Variants in CHRM3 observed in about 807,000 individuals in gnomAD.
The protein encoded by CHRM3 is cholinergic receptor muscarinic 3, also known as muscarinic acetylcholine receptor M3.
In CHRM3, 11 loss-of-function variants were observed where a neutral mutation model predicts 41.8. That is an observed-to-expected ratio of 0.26 (90% CI 0.17 to 0.44). The LOEUF (loss-of-function observed/expected upper bound fraction) is 0.44, where lower values mean the gene tolerates loss of function less well. CHRM3 is among the 20% of genes least tolerant of loss of function. CHRM3 has a pLI of 1.00. For missense variants in CHRM3, 571 were observed against 745.4 expected (o/e 0.77, Z 2.72); for synonymous variants, 297 against 301.4 (o/e 0.99, Z 0.15).
chr1:239,894,645 C>T (rs145998149), intron 6 of CHRM3, among the ~76,000 whole-genome samples: 1,838 of 152,006 alleles, frequency 0.012, 104 homozygotes, highest in Admixed American at 0.1. Flanking sequence ...GTTATCCAGG[C>T]TGGTCTCGAA....
intron 1 of CHRM3, among the ~76,000 whole-genome samples, chr1:239,455,705 G>A (rs548097271): frequency 1.3e-5 from 2 of 152,236 alleles, no homozygotes; most frequent in East Asian, 1.9e-4. Context: ...GTGATATTAC[G>A]TTTGAGTCAA....
At chr1:239,859,464 T>C (rs657150) in intron 6 of CHRM3, among the ~76,000 whole-genome samples, 137,051 of 146,126 alleles carry the variant, frequency 0.94, 64,950 homozygotes, top group Non-Finnish European at 1. Flanking sequence ...CTCACTCTGT[T>C]GCCCAGGCTG....
intron 5 of CHRM3, among the ~76,000 whole-genome samples, chr1:239,766,437 C>T (rs1470219694): frequency 6.6e-6 from 1 of 150,900 alleles, no homozygotes; most frequent in African/African-American, 2.5e-5. Flanking sequence ...AGGCTTAATA[C>T]CTGCATGATG....
chr1:239,741,746 A>G (rs976137622), intron 5 of CHRM3, among the ~76,000 whole-genome samples: 2 of 152,202 alleles, frequency 1.3e-5, no homozygotes. Context: ...TATATGCAAA[A>G]AAACCCACGT....
chr1:239,690,585 C>T (rs1417570636), intron 5 of CHRM3, among the ~76,000 whole-genome samples: 1 of 151,600 alleles, frequency 6.6e-6, no homozygotes, highest in East Asian at 1.9e-4. Flanking sequence ...AAAGGGGCTA[C>T]ATTAACATAA....
In CHRM3 at chr1:239,907,237, A is replaced by G. The variant is rs1680038306; in HGVS notation, c.-19-196A>G. ...CAGTGCATGCCACCAATTATATAATACTATCTCAAACAAATCGATGTCTGT... is the reference window on the plus strand; with the variant it reads ...CAGTGCATGCCACCAATTATATAATGCTATCTCAAACAAATCGATGTCTGT... On this transcript the variant is annotated intron_variant, in intron 6 of 6. Transcript: ENST00000676153. The surrounding 1 kb of genome is among the most constrained non-coding windows in gnomAD (Gnocchi z 5.4). Among the ~76,000 whole-genome samples, 2 of 152,356 alleles carry G rather than the reference A, an allele frequency of 1.3e-5. No individual in the cohort carries two copies. The highest frequency in any genetic ancestry group is 2.1e-4 in the South Asian group (1 of 4,832).
intron 1 of CHRM3, among the ~76,000 whole-genome samples, chr1:239,404,416 A>AAGAAAG (rs1558195813): frequency 1.3e-5 from 1 of 78,480 alleles, no homozygotes; most frequent in African/African-American, 5.5e-5. Context: ...AAGAAAAAGA[A>AAGAAAG]AGAAAGAAAG....
intron 6 of CHRM3, among the ~76,000 whole-genome samples, chr1:239,899,353 A>G (rs1679297498): frequency 6.7e-6 from 1 of 149,860 alleles, no homozygotes. Context: ...GTGTGTGTGT[A>G]TATATACATA....
At chr1:239,851,793 A>G (rs1344560343) in intron 6 of CHRM3, among the ~76,000 whole-genome samples, 1 of 152,162 alleles carries the variant, frequency 6.6e-6, no homozygotes, top group Non-Finnish European at 1.5e-5. Context: ...AGCTAGCATT[A>G]AAAAGGTATA....
intron 5 of CHRM3, among the ~76,000 whole-genome samples, chr1:239,814,185 A>C (rs527437227): frequency 1.3e-5 from 2 of 152,292 alleles, no homozygotes; most frequent in South Asian, 4.1e-4. Flanking sequence ...GTTAATTTTA[A>C]AGTGAGAACT....
In CHRM3 at chr1:239,614,886, C is replaced by T. The variant is rs146451875; in HGVS notation, c.-312-17338C>T. Among the ~76,000 whole-genome samples, 462 of 151,876 alleles carry T rather than the reference C, an allele frequency of 3.0e-3. 1 individual carries two copies. Among genetic ancestry groups the T allele is most frequent in the African/African-American group, 0.011 (442 of 41,406 alleles). On this transcript the variant is annotated intron_variant, in intron 3 of 6. Coordinates refer to ENST00000676153, the MANE Select transcript of CHRM3 (RefSeq NM_001375978.1). ...TATACATTTAGAGTATTTTTCAATC[C>T]CAGAAGATGAGTGTCTAATTGCCAA...
chr1:239,788,248 C>T (rs1669066085), intron 5 of CHRM3, among the ~76,000 whole-genome samples: 2 of 151,858 alleles, frequency 1.3e-5, no homozygotes, highest in Non-Finnish European at 1.5e-5. Flanking sequence ...AAAATAATAC[C>T]ACAAGACAAA....
chr1:239,764,253 G>A (rs568266408), intron 5 of CHRM3, among the ~76,000 whole-genome samples: 2 of 152,250 alleles, frequency 1.3e-5, no homozygotes, highest in African/African-American at 4.8e-5. Context: ...AGAATTCTAA[G>A]TTGACAAACA....
intron 5 of CHRM3, among the ~76,000 whole-genome samples, chr1:239,708,872 CA>C (rs1661477210): frequency 6.8e-6 from 1 of 147,562 alleles, no homozygotes; most frequent in African/African-American, 2.5e-5. Context: ...CACCATGATT[CA>C]AATAAACTAA....
intron 4 of CHRM3, among the ~76,000 whole-genome samples, chr1:239,661,656 G>A (rs535745342): frequency 1.4e-4 from 22 of 152,302 alleles, no homozygotes; most frequent in Admixed American, 9.1e-4. Context: ...AAGAGTTAGC[G>A]TAGAGGGAGG....
intron 5 of CHRM3, among the ~76,000 whole-genome samples, chr1:239,804,048 A>C (rs754109869): frequency 1.2e-4 from 18 of 152,248 alleles, no homozygotes; most frequent in Non-Finnish European, 1.5e-4. Flanking sequence ...CTCCAGCAGC[A>C]GAAGGCATTG....
intron 4 of CHRM3, among the ~76,000 whole-genome samples, chr1:239,639,910 T>C (rs1670914537): frequency 6.7e-6 from 1 of 148,964 alleles, no homozygotes; most frequent in African/African-American, 2.5e-5. Context: ...TTGTCATAGA[T>C]AGCTCTTATT....
At chr1:239,673,223 C>G (rs904929548) in intron 4 of CHRM3, among the ~76,000 whole-genome samples, 5 of 152,070 alleles carry the variant, frequency 3.3e-5, no homozygotes, top group Non-Finnish European at 7.4e-5. Flanking sequence ...CCGTCCTTGT[C>G]CAGAGAATGG....
At chr1:239,446,261 C>A (rs918389234) in intron 1 of CHRM3, among the ~76,000 whole-genome samples, 1 of 152,094 alleles carries the variant, frequency 6.6e-6, no homozygotes, top group African/African-American at 2.4e-5. Context: ...ACCTTCAAGA[C>A]AGAAGAAATA....
Sources: gnomAD v4.1 joint callset for allele counts (sites outside exome capture counted in the v4.1 genomes callset) on GRCh38, gnomAD v4.1.1 for gene constraint, Gnocchi (gnomAD v3.1) non-coding constraint, MANE v1.5 for transcripts, NCBI Gene and HGNC (gene_info 2026-07-23, HGNC 2026-07-21) for gene names.